The following ERCC8 variants were observed in gnomAD, a reference collection of about 807,000 sequenced individuals.
ERCC8 encodes the protein DNA excision repair protein ERCC-8.
ERCC8 carries 52 observed loss-of-function variants against 54.9 expected under a neutral mutation model. The ratio of observed to expected loss-of-function variants is 0.95; its 90% confidence interval spans 0.76 to 1.19. The LOEUF is 1.19. Among genes scored for constraint, ERCC8 ranks in the 50% most tolerant of loss-of-function variants. The probability of loss-of-function intolerance (pLI) is 0.00; values close to 1 mark genes in which losing one functional copy is unlikely to be tolerated. For missense variants in ERCC8, 514 were observed against 466.1 expected, an observed-to-expected ratio of 1.10 and a Z score of -0.95; for synonymous variants, 146 against 157.2, an observed-to-expected ratio of 0.93 and a Z score of 0.53.
intron 2 of ERCC8, 114 bp downstream of exon 2, chr5:60,928,750 A>C (rs1021255818): frequency 9.4e-6 from 6 of 640,582 alleles, no homozygotes; most frequent in Non-Finnish European, 1.7e-5. Context: ...AAAATGCTAC[A>C]ATTTAGGATT....
chr5:60,866,550 A>G lies in ERCC8; in HGVS notation c.*8065T>C, dbSNP rs1286607170. On this transcript the variant is annotated 3_prime_UTR_variant, in exon 12 of 12. Transcript: ENST00000676185. The stretch of plus-strand genomic sequence containing the variant: ...ACAAATGAATAAACTTGCAAAATCA[A>G]ATAGGTAATCAATGATGGCTCCATA... The G allele has an allele frequency of 6.6e-6, 1 of 152,202 alleles. No homozygotes were observed. Among genetic ancestry groups the G allele is most frequent in the Non-Finnish European group, 1.5e-5 (1 of 68,042 alleles). The allele number at this position is 152,202 out of a possible 1,614,324, so 9.4% of individuals were successfully genotyped here.
intron 11 of ERCC8, among the ~76,000 whole-genome samples, chr5:60,885,835 C>A (rs1369964797): frequency 6.6e-6 from 1 of 152,060 alleles, no homozygotes; most frequent in Non-Finnish European, 1.5e-5. Flanking sequence ...CTATCAACCA[C>A]CTCTATACAA....
intron 3 of ERCC8, among the ~76,000 whole-genome samples, chr5:60,919,029 G>A (rs1749523053): frequency 6.6e-6 from 1 of 152,022 alleles, no homozygotes; most frequent in African/African-American, 2.4e-5. Flanking sequence ...GACCAACATA[G>A]TGTGTTACCT....
intron 1 of ERCC8, among the ~76,000 whole-genome samples, chr5:60,944,287 A>T (rs1234254558): frequency 6.6e-6 from 1 of 152,122 alleles, no homozygotes; most frequent in African/African-American, 2.4e-5. Flanking sequence ...TCTCTCCCGG[A>T]CAAGTGTAAT....
intron 7 of ERCC8, among the ~76,000 whole-genome samples, chr5:60,900,318 A>C (rs530752367): frequency 6.6e-6 from 1 of 152,080 alleles, no homozygotes; most frequent in African/African-American, 2.4e-5. Context: ...TCTTTCAAGT[A>C]AGCAAAAAGA....
At chr5:60,881,564 C>T (rs565162675) in intron 11 of ERCC8, among the ~76,000 whole-genome samples, 614 of 152,288 alleles carry the variant, frequency 4.0e-3, no homozygotes, top group Non-Finnish European at 6.1e-3. Flanking sequence ...CAATGGCGGG[C>T]GCCCCTCCCC....
intron 1 of ERCC8, among the ~76,000 whole-genome samples, chr5:60,930,604 G>A (rs987552999): frequency 5.3e-5 from 8 of 150,624 alleles, no homozygotes; most frequent in East Asian, 2.0e-4. Flanking sequence ...GCCTAGTGGC[G>A]TATGCCTGTA....
intron 1 of ERCC8, among the ~76,000 whole-genome samples, chr5:60,938,058 T>C (rs1293751796): frequency 1.3e-4 from 2 of 15,804 alleles, no homozygotes; most frequent in African/African-American, 4.7e-4. Flanking sequence ...CATATATATA[T>C]ATATATATAT....
At position 60,913,548 on chromosome 5, in the gene ERCC8, T is replaced by C. The variant is rs1278544659; in HGVS notation, c.399+4717A>G. Among the ~76,000 whole-genome samples the C allele has an allele frequency of 2.0e-5, 3 of 152,156 alleles. 1 individual carries two copies. On this transcript the variant is annotated intron_variant, in intron 4 of 11. Transcript: ENST00000676185. ...TGGACCTTTTCAAAAAACCTGCTCC[T>C]GGATTCATTGATTTTTTGAAGGGTT...
rs1391411310 is a variant in ERCC8, at chr5:60,882,973, A to G, written c.1122+4467T>C. On this transcript the variant is annotated intron_variant, in intron 11 of 11. Transcript: ENST00000676185. Reference sequence around the variant, plus strand: ...CTACCAAAAATAGCCCTGGGAAAACACACACACACACACACACACACACAC... The same window carrying G: ...CTACCAAAAATAGCCCTGGGAAAACGCACACACACACACACACACACACAC... 3.6e-5 allele frequency among the ~76,000 whole-genome samples: 5 copies of G among 137,974 alleles called. No homozygotes were observed. In the East Asian group the frequency reaches 1.0e-3, roughly 27 times the overall value. The allele number at this position is 137,974 out of a possible 152,430, so 90.5% of individuals were successfully genotyped here. A position where few individuals can be genotyped will look rare whatever the true frequency, so the allele number is the denominator to read the frequency against.
At chr5:60,904,405 C>T (rs1297511898) in intron 5 of ERCC8, among the ~76,000 whole-genome samples, 6 of 151,544 alleles carry the variant, frequency 4.0e-5, no homozygotes, top group Non-Finnish European at 7.4e-5. Flanking sequence ...ATTTGAATCA[C>T]AATCTTAGAG....
chr5:60,867,724 GC>G lies in ERCC8; in HGVS notation c.*6890del, dbSNP rs1159501840. 3.9e-5 allele frequency among the ~76,000 whole-genome samples: 6 copies of G among 152,272 alleles called. No homozygotes were observed. Among genetic ancestry groups the G allele is most frequent in the Middle Eastern group, 3.4e-3 (1 of 294 alleles). The stretch of plus-strand genomic sequence containing the variant: ...AGAGAAGCTGGAATTAAGTGTTTGA[GC>G]CACATGGGAGAAGCAGCTCTCCTGC... On this transcript the variant is annotated 3_prime_UTR_variant, in exon 12 of 12. Coordinates refer to ENST00000676185, the MANE Select transcript of ERCC8 (RefSeq NM_000082.4).
intron 11 of ERCC8, among the ~76,000 whole-genome samples, chr5:60,886,059 T>C (rs556556545): frequency 4.0e-5 from 6 of 148,448 alleles, no homozygotes; most frequent in East Asian, 1.9e-4. Flanking sequence ...TATATGTATA[T>C]ATATATGTAT....
At chr5:60,929,572 G>A (rs1177006202) in intron 1 of ERCC8, among the ~76,000 whole-genome samples, 1 of 152,114 alleles carries the variant, frequency 6.6e-6, no homozygotes, top group Admixed American at 6.6e-5. Context: ...GGGTGACAGA[G>A]TGAGATCCTG....
At chr5:60,878,446 G>C (rs1257616156) in intron 11 of ERCC8, among the ~76,000 whole-genome samples, 7 of 152,166 alleles carry the variant, frequency 4.6e-5, no homozygotes, top group African/African-American at 1.7e-4. Flanking sequence ...AGAAGGAATG[G>C]TACCAGCTCC....
At chr5:60,876,709 C>T (rs1485710412) in intron 11 of ERCC8, among the ~76,000 whole-genome samples, 4 of 152,136 alleles carry the variant, frequency 2.6e-5, no homozygotes, top group African/African-American at 7.2e-5. Flanking sequence ...TATCCTTCGT[C>T]CACTTTTTGA....
intron 4 of ERCC8, among the ~76,000 whole-genome samples, chr5:60,916,709 A>T (rs529372332): frequency 6.6e-6 from 1 of 152,140 alleles, no homozygotes; most frequent in East Asian, 1.9e-4. Context: ...AGTTTGAATT[A>T]TTAGAAGTAT....
At chr5:60,921,221 A>C (rs1014088992) in intron 3 of ERCC8, among the ~76,000 whole-genome samples, 2 of 151,970 alleles carry the variant, frequency 1.3e-5, no homozygotes, top group African/African-American at 2.4e-5. Context: ...GAAACACCAG[A>C]GCCAACAAAC....
At position 60,870,482 on chromosome 5, in the gene ERCC8, T is replaced by TAACAA. The variant is rs1320324594; in HGVS notation, c.*4132_*4133insTTGTT. ...CAACATGGTGAAACCCCACCTCTGC[T>TAACAA]AAAAAAAAAAAAAAAAAAAAAAAAA... On this transcript the variant is annotated 3_prime_UTR_variant, in exon 12 of 12. Coordinates refer to ENST00000676185, the MANE Select transcript of ERCC8 (RefSeq NM_000082.4). Among the ~76,000 whole-genome samples the TAACAA allele has an allele frequency of 2.0e-5, 1 of 48,806 alleles. No homozygotes were observed. The highest frequency in any genetic ancestry group is 3.4e-5 in the Non-Finnish European group (1 of 29,344). 32.0% of individuals were successfully genotyped at this position (48,806 alleles called of 152,430 possible).
Sources: allele counts gnomAD v4.1 joint callset (sites outside exome capture counted in the v4.1 genomes callset), GRCh38; gene constraint gnomAD v4.1.1; transcripts MANE v1.5; gene names NCBI Gene and HGNC (gene_info 2026-07-23, HGNC 2026-07-21).